Variants in ANAPC10 observed in about 807,000 individuals in gnomAD.
The protein encoded by ANAPC10 is anaphase promoting complex subunit 10, also known as anaphase-promoting complex subunit 10.
ANAPC10 carries 12 observed loss-of-function variants against 22.0 expected under a neutral mutation model. The observed-to-expected ratio is 0.55, with a 90% CI of 0.35 to 0.88. The LOEUF (loss-of-function observed/expected upper bound fraction) is 0.88, where lower values mean the gene tolerates loss of function less well. Among genes scored for constraint, ANAPC10 ranks in the 40% least tolerant of loss-of-function variants. The pLI is 0.01. For missense variants in ANAPC10, 188 were observed against 220.9 expected, an observed-to-expected ratio of 0.85 and a Z score of 0.94; for synonymous variants, 65 against 69.5, an observed-to-expected ratio of 0.94 and a Z score of 0.32.
At chr4:145,065,251 T>C (rs891906167) in intron 3 of ANAPC10, among the ~76,000 whole-genome samples, 3 of 151,894 alleles carry the variant, frequency 2.0e-5, no homozygotes, top group South Asian at 2.1e-4. Context: ...AAAATATACA[T>C]ATCCTAGGGA....
At chr4:145,073,851 T>C (rs992916128) in intron 3 of ANAPC10, among the ~76,000 whole-genome samples, 2 of 152,008 alleles carry the variant, frequency 1.3e-5, no homozygotes, top group Non-Finnish European at 2.9e-5. Context: ...ATTACCATGA[T>C]AAAAATAGCA....
At chr4:145,045,282 AAGAC>A (rs1336512833) in intron 4 of ANAPC10, among the ~76,000 whole-genome samples, 1 of 152,094 alleles carries the variant, frequency 6.6e-6, no homozygotes, top group African/African-American at 2.4e-5. Context: ...GGAATCCAAT[AAGAC>A]AGACATTGTT....
At chr4:145,071,120 T>C (rs568613468) in intron 3 of ANAPC10, among the ~76,000 whole-genome samples, 1 of 152,304 alleles carries the variant, frequency 6.6e-6, no homozygotes, top group Non-Finnish European at 1.5e-5. Context: ...CATTTAAAAA[T>C]GGCTGGCCAG....
chr4:145,034,606 T>C (rs922957060), intron 4 of ANAPC10, among the ~76,000 whole-genome samples: 1 of 148,032 alleles, frequency 6.8e-6, no homozygotes, highest in Non-Finnish European at 1.5e-5. Flanking sequence ...CCTATATATA[T>C]TATAACAAGG....
chr4:145,081,117 T>C lies in ANAPC10; in HGVS notation c.206+543A>G, dbSNP rs117143298. On this transcript the variant is annotated intron_variant, in intron 3 of 4. Coordinates refer to ENST00000507656, the MANE Select transcript of ANAPC10 (RefSeq NM_001256706.2). ...GGCCAACTGTCTCTTATTTAAAATT[T>C]TAAAAATCTGATAATAAATACATTC... 3.5e-4 allele frequency among the ~76,000 whole-genome samples: 53 copies of C among 151,836 alleles called. No homozygotes were observed. The East Asian group carries it at 0.01, about 29-fold the overall frequency.
intron 4 of ANAPC10, among the ~76,000 whole-genome samples, chr4:145,032,553 C>A (rs1434795797): frequency 2.0e-5 from 3 of 152,216 alleles, no homozygotes; most frequent in Non-Finnish European, 2.9e-5. Context: ...GATAGGATGA[C>A]CCGTTCTGTG....
chr4:145,033,966 T>C (rs1448426536), intron 4 of ANAPC10, among the ~76,000 whole-genome samples: 1 of 152,200 alleles, frequency 6.6e-6, no homozygotes, highest in Non-Finnish European at 1.5e-5. Flanking sequence ...AGCATTTAAG[T>C]ATTGTTAACT....
At chr4:145,007,126 C>G (rs933839290) in intron 4 of ANAPC10, among the ~76,000 whole-genome samples, 1 of 152,050 alleles carries the variant, frequency 6.6e-6, no homozygotes, top group Non-Finnish European at 1.5e-5. Context: ...ACGGGAGCAC[C>G]CAGATTCATA....
At chr4:145,010,737 T>A (rs1257089800) in intron 4 of ANAPC10, among the ~76,000 whole-genome samples, 1 of 152,026 alleles carries the variant, frequency 6.6e-6, no homozygotes, top group Non-Finnish European at 1.5e-5. Flanking sequence ...GACGAGTTAA[T>A]GGGTACAGCA....
intron 4 of ANAPC10, among the ~76,000 whole-genome samples, chr4:145,027,361 G>A (rs1736917079): frequency 6.6e-6 from 1 of 151,914 alleles, no homozygotes; most frequent in Non-Finnish European, 1.5e-5. Context: ...AACAAAAGAA[G>A]TAGAAAATGA....
intron 2 of ANAPC10, among the ~76,000 whole-genome samples, chr4:145,091,072 A>T (rs1032175208): frequency 6.6e-6 from 1 of 152,240 alleles, no homozygotes; most frequent in Non-Finnish European, 1.5e-5. Flanking sequence ...ATAGACTCAA[A>T]GCTCAAAATC....
chr4:145,025,587 G>A (rs191108658), intron 4 of ANAPC10, among the ~76,000 whole-genome samples: 16 of 152,222 alleles, frequency 1.1e-4, no homozygotes, highest in African/African-American at 3.4e-4. Context: ...GCTTAAGTTC[G>A]TGGGGACCCA....
intron 3 of ANAPC10, among the ~76,000 whole-genome samples, chr4:145,075,239 A>G (rs1745028527): frequency 6.6e-6 from 1 of 152,086 alleles, no homozygotes; most frequent in Non-Finnish European, 1.5e-5. Flanking sequence ...TATCTTTCAC[A>G]CTTCTGGCTT....
chr4:145,061,944 C>A (rs1742953791), intron 4 of ANAPC10, among the ~76,000 whole-genome samples: 1 of 151,620 alleles, frequency 6.6e-6, no homozygotes, highest in South Asian at 2.1e-4. Context: ...CCCATCTCTA[C>A]TAAAAATACA....
At chr4:145,028,364 C>T (rs978903603) in intron 4 of ANAPC10, among the ~76,000 whole-genome samples, 2 of 152,164 alleles carry the variant, frequency 1.3e-5, no homozygotes, top group Non-Finnish European at 2.9e-5. Context: ...ATAGGACTCC[C>T]AAGTTGCTCA....
At chr4:145,007,619 T>C (rs1733598528) in intron 4 of ANAPC10, among the ~76,000 whole-genome samples, 1 of 152,194 alleles carries the variant, frequency 6.6e-6, no homozygotes, top group African/African-American at 2.4e-5. Flanking sequence ...AAGATGTTTT[T>C]TGAAACCAAT....
At chr4:145,096,215 T>C (rs945493809) in intron 1 of ANAPC10, 104 bp from the exon 2 acceptor site, 21 of 1,152,906 alleles carry the variant, frequency 1.8e-5, no homozygotes, top group Non-Finnish European at 2.6e-5. Flanking sequence ...ACCCTGACAT[T>C]AATCATTTAT....
At chr4:145,072,459 A>C (rs1420369733) in intron 3 of ANAPC10, among the ~76,000 whole-genome samples, 2 of 152,232 alleles carry the variant, frequency 1.3e-5, no homozygotes, top group Non-Finnish European at 2.9e-5. Flanking sequence ...GTTTAACAAA[A>C]TATAAACTCC....
intron 4 of ANAPC10, among the ~76,000 whole-genome samples, chr4:145,043,850 C>T (rs1381505059): frequency 6.6e-6 from 1 of 151,668 alleles, no homozygotes; most frequent in Non-Finnish European, 1.5e-5. Flanking sequence ...CTTTTTTTTC[C>T]CTTTGAAAAC....
Sources: allele counts gnomAD v4.1 joint callset (sites outside exome capture counted in the v4.1 genomes callset), GRCh38; gene constraint gnomAD v4.1.1; transcripts MANE v1.5; gene names NCBI Gene and HGNC (gene_info 2026-07-23, HGNC 2026-07-21).